KANK1: variants seen among roughly 807,000 people sequenced by gnomAD.
KANK1 encodes KN motif and ankyrin repeat domain-containing protein 1.
In KANK1, 109 loss-of-function variants were observed where a neutral mutation model predicts 106.2. The ratio of observed to expected loss-of-function variants is 1.03; its 90% confidence interval spans 0.88 to 1.20. The LOEUF (loss-of-function observed/expected upper bound fraction) is 1.20, where lower values mean the gene tolerates loss of function less well. Among genes scored for constraint, KANK1 ranks in the 50% most tolerant of loss-of-function variants. The probability of loss-of-function intolerance (pLI) is 0.00; values close to 1 mark genes in which losing one functional copy is unlikely to be tolerated. For missense variants in KANK1, 2,399 were observed against 1,710.7 expected (o/e 1.40, Z -7.10); for synonymous variants, 873 against 652.2 (o/e 1.34, Z -5.16).
intron 1 of KANK1, among the ~76,000 whole-genome samples, chr9:553,232 T>G (rs1044513585): frequency 6.6e-6 from 1 of 152,236 alleles, no homozygotes; most frequent in East Asian, 1.9e-4. Context: ...TTTAGTTGTT[T>G]ACAACCTCTA....
chr9:734,580 T>G, intron 6 of KANK1, 168 bp from the exon 7 acceptor site: 1 of 506,350 alleles, frequency 2.0e-6, no homozygotes, highest in Admixed American at 3.1e-5. Context: ...GCAGGAGGAT[T>G]GCTTGAATCC....
Position 711,766 on chromosome 9 carries a change from C to G in KANK1, c.1000C>G (p.Gln334Glu). The G allele has an allele frequency of 6.2e-7, 1 of 1,614,224 alleles. No individual in the cohort carries two copies. Among genetic ancestry groups the G allele is most frequent in the Non-Finnish European group, 8.5e-7 (1 of 1,180,036 alleles). ...TGCGGGGAACGCCTCCCAGCTGGAA[C>G]AGCTCTCCCGGGCCCGAAGAAGTGG... ...YSAGNASQLE[Q>E]LSRARRSGGE... Residue 334 changes from glutamine to glutamate, a missense_variant, in exon 3 of 12, where the codon CAG becomes GAG. Transcript: ENST00000382297.
chr9:738,215 C>T, intron 7 of KANK1, 70 bp from the exon 8 acceptor site: 2 of 1,276,000 alleles, frequency 1.6e-6, no homozygotes, highest in East Asian at 2.5e-5. Context: ...GGACAGGTTA[C>T]TTGTGCTTTC....
At chr9:573,437 T>C (rs1384776016) in intron 1 of KANK1, among the ~76,000 whole-genome samples, 1 of 151,506 alleles carries the variant, frequency 6.6e-6, no homozygotes, top group Non-Finnish European at 1.5e-5. Context: ...GCGTGGCTAA[T>C]TTTTTTGTAT....
intron 1 of KANK1, among the ~76,000 whole-genome samples, chr9:505,212 C>T (rs1213801362): frequency 6.6e-6 from 1 of 152,158 alleles, no homozygotes; most frequent in Non-Finnish European, 1.5e-5. Context: ...AAGCGGCTCT[C>T]CGTGGAGTTG....
chr9:572,587 C>T (rs906365007), intron 1 of KANK1, among the ~76,000 whole-genome samples: 2 of 151,882 alleles, frequency 1.3e-5, no homozygotes, highest in Non-Finnish European at 2.9e-5. Context: ...GACAGGGTCT[C>T]GATATGTTGC....
intron 2 of KANK1, among the ~76,000 whole-genome samples, chr9:702,393 G>T (rs1311982391): frequency 6.6e-6 from 1 of 152,120 alleles, no homozygotes. Context: ...ATCCCCACTA[G>T]ACTGTGAGCC....
At chr9:633,608 A>G (rs981664983) in intron 1 of KANK1, among the ~76,000 whole-genome samples, 16 of 152,308 alleles carry the variant, frequency 1.1e-4, no homozygotes, top group African/African-American at 3.1e-4. Flanking sequence ...TGAGCTCTCA[A>G]TAATTCATTC....
At chr9:596,847 AC>A (rs1743195472) in intron 1 of KANK1, among the ~76,000 whole-genome samples, 1 of 151,832 alleles carries the variant, frequency 6.6e-6, no homozygotes, top group Non-Finnish European at 1.5e-5. Context: ...TAGTTCCAAA[AC>A]ATTTTTGTCA....
intron 10 of KANK1, among the ~76,000 whole-genome samples, chr9:743,034 A>C (rs1836097936): frequency 6.6e-6 from 1 of 152,060 alleles, no homozygotes; most frequent in Non-Finnish European, 1.5e-5. Flanking sequence ...AACTCAACCA[A>C]AGGGGGTACT....
intron 1 of KANK1, among the ~76,000 whole-genome samples, chr9:611,043 T>G (rs1686070114): frequency 6.6e-6 from 1 of 152,178 alleles, no homozygotes; most frequent in Admixed American, 6.5e-5. Flanking sequence ...GTCACTCACT[T>G]TATTACTCTG....
At chr9:535,917 C>T (rs2060276723) in intron 1 of KANK1, among the ~76,000 whole-genome samples, 1 of 152,186 alleles carries the variant, frequency 6.6e-6, no homozygotes, top group Non-Finnish European at 1.5e-5. Context: ...TTCCAAGCTC[C>T]TTCACTACCC....
At chr9:551,359 C>T (rs2061271700) in intron 1 of KANK1, among the ~76,000 whole-genome samples, 4 of 151,936 alleles carry the variant, frequency 2.6e-5, no homozygotes, top group Admixed American at 2.6e-4. Context: ...GTTTTATAGG[C>T]GTGATTCCCA....
chr9:684,259 A>G (rs1388395838), intron 2 of KANK1: 1 of 985,324 alleles, frequency 1.0e-6, no homozygotes, highest in Non-Finnish European at 1.2e-6. Flanking sequence ...CCAAGAAAGG[A>G]TGATTTATCT....
At chr9:592,443 C>T (rs1439541714) in intron 1 of KANK1, among the ~76,000 whole-genome samples, 4 of 150,970 alleles carry the variant, frequency 2.6e-5, no homozygotes, top group African/African-American at 9.9e-5. Flanking sequence ...CTTGTCAGGG[C>T]CACAGCTGCT....
chr9:681,583 T>A (rs1817562761), intron 2 of KANK1, among the ~76,000 whole-genome samples: 1 of 152,168 alleles, frequency 6.6e-6, no homozygotes, highest in Non-Finnish European at 1.5e-5. Flanking sequence ...ACAAGGTGGT[T>A]GTGCAGGGAA....
intron 3 of KANK1, among the ~76,000 whole-genome samples, chr9:719,160 G>C (rs1204193532): frequency 2.0e-5 from 3 of 151,860 alleles, no homozygotes; most frequent in Non-Finnish European, 4.4e-5. Flanking sequence ...GTAGAGACGG[G>C]GTTTAACCTT....
chr9:672,988 T>C (rs1815539037), intron 1 of KANK1, among the ~76,000 whole-genome samples: 1 of 152,164 alleles, frequency 6.6e-6, no homozygotes, highest in African/African-American at 2.4e-5. Context: ...AGCAATTTAT[T>C]GATCTGTAAC....
At chr9:572,445 G>C (rs1004372639) in intron 1 of KANK1, among the ~76,000 whole-genome samples, 2 of 152,070 alleles carry the variant, frequency 1.3e-5, no homozygotes, top group Non-Finnish European at 2.9e-5. Context: ...CCAGCTACTC[G>C]GGAAGCTGAG....
Sources: gnomAD v4.1 joint callset for allele counts (sites outside exome capture counted in the v4.1 genomes callset) on GRCh38, gnomAD v4.1.1 for gene constraint, MANE v1.5 for transcripts, NCBI Gene and HGNC (gene_info 2026-07-23, HGNC 2026-07-21) for gene names.